The following AP3B1 variants were observed in gnomAD, a reference collection of about 807,000 sequenced individuals.
AP3B1 encodes the protein adaptor related protein complex 3 subunit beta 1.
Under a neutral mutation model 132.5 loss-of-function variants are expected in AP3B1, and 61 were observed. The observed-to-expected ratio is 0.46, with a 90% CI of 0.37 to 0.57. The LOEUF (loss-of-function observed/expected upper bound fraction) is 0.57, where lower values mean the gene tolerates loss of function less well. Ranked by LOEUF, AP3B1 falls within the 20% of genes least tolerant of loss-of-function variation. The pLI is 0.00. For missense variants in AP3B1, 1,120 were observed against 1,289.4 expected, an observed-to-expected ratio of 0.87 and a Z score of 2.01; for synonymous variants, 388 against 438.3, an observed-to-expected ratio of 0.89 and a Z score of 1.43.
chr5:78,006,026 G>A (rs1298021620), intron 26 of AP3B1, among the ~76,000 whole-genome samples: 1 of 152,108 alleles, frequency 6.6e-6, no homozygotes, highest in African/African-American at 2.4e-5. Context: ...ATCACACTGT[G>A]ACAAAATTTT....
At chr5:78,167,904 T>A (rs1003957495) in intron 11 of AP3B1, among the ~76,000 whole-genome samples, 1 of 151,536 alleles carries the variant, frequency 6.6e-6, no homozygotes, top group African/African-American at 2.4e-5. Flanking sequence ...AGACTACACA[T>A]TGGGTACAGT....
Position 78,228,195 on chromosome 5 carries a change from T to C in AP3B1, c.324A>G (p.Glu108=), listed in dbSNP as rs148495384. 1 of 1,612,298 alleles carries C rather than the reference T, an allele frequency of 6.2e-7. No homozygotes were observed. The highest frequency in any genetic ancestry group is 8.5e-7 in the Non-Finnish European group (1 of 1,179,338). ...VYVYLVRYAE[E]QQDLALLSIS... Reference sequence around the variant, plus strand: ...TGGACAGGAGTGCAAGATCCTGCTGTTCTTCAGCATATCGAACCAGGTAAA... The same window carrying C: ...TGGACAGGAGTGCAAGATCCTGCTGCTCTTCAGCATATCGAACCAGGTAAA... The change falls in exon 4 of 27, where the codon GAA becomes GAG. Residue 108 remains glutamate (E), a synonymous_variant. Coordinates refer to ENST00000255194, the MANE Select transcript of AP3B1 (RefSeq NM_003664.5).
chr5:78,198,908 A>T (rs940651618), intron 7 of AP3B1, among the ~76,000 whole-genome samples: 1 of 152,250 alleles, frequency 6.6e-6, no homozygotes, highest in Admixed American at 6.5e-5. Context: ...CAAAGAAGAA[A>T]AAGTCTCCTT....
intron 14 of AP3B1, among the ~76,000 whole-genome samples, chr5:78,155,306 A>G (rs1743099708): frequency 6.6e-6 from 1 of 152,132 alleles, no homozygotes; most frequent in African/African-American, 2.4e-5. Context: ...TGCTGCTGCC[A>G]GGGGATGAGA....
chr5:78,233,237 CTTTTTTT>C (rs71613940), intron 3 of AP3B1, among the ~76,000 whole-genome samples: 2 of 139,308 alleles, frequency 1.4e-5, no homozygotes, highest in African/African-American at 2.7e-5. Flanking sequence ...TTTCTTTTTT[CTTTTTTT>C]TTTTTTGAGA....
chr5:78,178,849 T>G (rs1254249638), intron 8 of AP3B1, among the ~76,000 whole-genome samples: 3 of 152,108 alleles, frequency 2.0e-5, no homozygotes, highest in Non-Finnish European at 4.4e-5. Flanking sequence ...TTAATATATA[T>G]GCCTAAATAG....
chr5:78,267,469 T>A (rs1262450653), intron 2 of AP3B1, 51 bp downstream of exon 2: 6 of 962,616 alleles, frequency 6.2e-6, no homozygotes, highest in Admixed American at 1.8e-5. Context: ...AATAATATGA[T>A]CACTGCTTGT....
chr5:78,021,343 A>C (rs1282159266), intron 24 of AP3B1, among the ~76,000 whole-genome samples: 2 of 152,140 alleles, frequency 1.3e-5, no homozygotes, highest in Non-Finnish European at 2.9e-5. Context: ...AGTGCTATTC[A>C]TTGACATTAT....
At chr5:78,240,789 A>G in intron 3 of AP3B1, 73 bp downstream of exon 3, 1 of 1,012,014 alleles carries the variant, frequency 9.9e-7, no homozygotes, top group Non-Finnish European at 1.6e-6. Context: ...CTTATGTTGC[A>G]TTATACTACA....
chr5:78,212,100 C>T (rs780992737), intron 7 of AP3B1, among the ~76,000 whole-genome samples: 1 of 152,064 alleles, frequency 6.6e-6, no homozygotes, highest in African/African-American at 2.4e-5. Context: ...GCCAACATGC[C>T]GAAACCCCAT....
At chr5:78,141,000 T>G in intron 15 of AP3B1, 143 bp downstream of exon 15, 1 of 745,744 alleles carries the variant, frequency 1.3e-6, no homozygotes. Context: ...TTTGCACTAG[T>G]ATCATCTAAC....
At chr5:78,013,280 A>G (rs535481582) in intron 26 of AP3B1, among the ~76,000 whole-genome samples, 1 of 151,002 alleles carries the variant, frequency 6.6e-6, no homozygotes, top group South Asian at 2.1e-4. Flanking sequence ...CCTGGGCTCA[A>G]GAGATCTACC....
At chr5:78,244,594 A>C (rs1350937522) in intron 2 of AP3B1, among the ~76,000 whole-genome samples, 1 of 152,204 alleles carries the variant, frequency 6.6e-6, no homozygotes, top group Non-Finnish European at 1.5e-5. Flanking sequence ...TACAGAATAC[A>C]GGAGACAGCA....
chr5:78,040,859 C>T (rs948903729), intron 22 of AP3B1, among the ~76,000 whole-genome samples: 9 of 152,074 alleles, frequency 5.9e-5, no homozygotes, highest in Non-Finnish European at 1.3e-4. Flanking sequence ...ATTTAAAGTT[C>T]CACAAAAATC....
At chr5:78,068,024 A>T (rs913462016) in intron 22 of AP3B1, among the ~76,000 whole-genome samples, 2 of 151,852 alleles carry the variant, frequency 1.3e-5, no homozygotes, top group South Asian at 4.1e-4. Flanking sequence ...CACTAGCTAG[A>T]CTAATAAAGA....
At chr5:78,238,716 T>C (rs1746986257) in intron 3 of AP3B1, among the ~76,000 whole-genome samples, 1 of 151,760 alleles carries the variant, frequency 6.6e-6, no homozygotes, top group African/African-American at 2.4e-5. Context: ...AATGAAATTT[T>C]AAAATGTTTC....
rs1190545368 is a variant in AP3B1 at position 78,041,484 on chromosome 5, A to G, written c.2578-2210T>C. Among the ~76,000 whole-genome samples, 4 of 151,576 alleles carry G rather than the reference A, an allele frequency of 2.6e-5. No homozygotes were observed. In the East Asian group the frequency reaches 7.8e-4, roughly 29 times the overall value. On this transcript the variant is annotated intron_variant, in intron 22 of 26. Coordinates refer to ENST00000255194, the MANE Select transcript of AP3B1 (RefSeq NM_003664.5). ...TGAGGTGGGAGGATTGCCTGAGCTC[A>G]GGAAGTTGAGGCTGCAGTGAGCCAT...
At chr5:78,139,552 T>C (rs1490441304) in intron 15 of AP3B1, among the ~76,000 whole-genome samples, 3 of 152,326 alleles carry the variant, frequency 2.0e-5, no homozygotes, top group African/African-American at 7.2e-5. Context: ...TGCTCCATTA[T>C]TTGCAATTAT....
intron 18 of AP3B1, 113 bp from the exon 19 acceptor site, chr5:78,114,036 G>T: frequency 8.6e-7 from 1 of 1,164,760 alleles, no homozygotes; most frequent in South Asian, 1.4e-5. Flanking sequence ...TTTTAGTTCA[G>T]TGGACACCAC....
Sources: allele counts gnomAD v4.1 joint callset (sites outside exome capture counted in the v4.1 genomes callset), GRCh38; gene constraint gnomAD v4.1.1; transcripts MANE v1.5; gene names NCBI Gene and HGNC (gene_info 2026-07-23, HGNC 2026-07-21).